Variants in SNTB1 observed in about 807,000 individuals in gnomAD.
SNTB1 encodes beta-1-syntrophin.
SNTB1 carries 36 observed loss-of-function variants against 48.9 expected under a neutral mutation model. The ratio of observed to expected loss-of-function variants is 0.74; its 90% CI spans 0.56 to 0.97. The LOEUF is 0.97. Ranked by LOEUF, SNTB1 falls within the 50% of genes least tolerant of loss-of-function variation. SNTB1 has a pLI of 0.00. For synonymous variants in SNTB1, 299 were observed against 294.6 expected (o/e 1.01, Z -0.15); for missense variants, 786 against 703.4 (o/e 1.12, Z -1.33).
intron 3 of SNTB1, among the ~76,000 whole-genome samples, chr8:120,599,269 G>A (rs540344275): frequency 1.3e-5 from 2 of 152,192 alleles, no homozygotes. Context: ...CACATTAAAA[G>A]TTAATAAAAA....
rs1815295415 is a variant in SNTB1 at position 120,541,956 on chromosome 8, C to T, written c.1378G>A (p.Glu460Lys). ...NQECRLTIHY[E>K]NGFSITTEPQ... ...TCAGTGGTAATAGAAAATCCATTCT[C>T]ATAATGTATGGTCAAACGGCACTCC... Residue 460 changes from glutamate (E) to lysine (K), a missense_variant, in exon 6 of 7, where the codon GAG (glutamate) becomes AAG (lysine). Physicochemically the swap from Glu to Lys is moderately conservative, Grantham distance 56 (BLOSUM62 1). Coordinates refer to ENST00000517992, the MANE Select transcript of SNTB1 (RefSeq NM_021021.4). The T allele has an allele frequency of 6.2e-7, 1 of 1,613,920 alleles. No homozygotes were observed. Among genetic ancestry groups the T allele is most frequent in the Non-Finnish European group, 8.5e-7 (1 of 1,179,916 alleles).
intron 1 of SNTB1, among the ~76,000 whole-genome samples, chr8:120,777,077 A>T (rs1269400753): frequency 6.6e-6 from 1 of 152,214 alleles, no homozygotes; most frequent in Admixed American, 6.5e-5. Context: ...TAGAACGGGG[A>T]AGGACAGAAC....
At chr8:120,585,844 T>C (rs1353829716) in intron 3 of SNTB1, among the ~76,000 whole-genome samples, 1 of 152,264 alleles carries the variant, frequency 6.6e-6, no homozygotes, top group African/African-American at 2.4e-5. Context: ...ACATGTCATA[T>C]GTTTAACAAC....
chr8:120,654,382 A>G (rs1294719319), intron 2 of SNTB1, among the ~76,000 whole-genome samples: 1 of 152,074 alleles, frequency 6.6e-6, no homozygotes, highest in Admixed American at 6.5e-5. Flanking sequence ...TATAACTCCT[A>G]TTTTGTTCCC....
At chr8:120,650,027 C>T (rs1435630001) in intron 2 of SNTB1, among the ~76,000 whole-genome samples, 3 of 152,154 alleles carry the variant, frequency 2.0e-5, no homozygotes, top group Admixed American at 6.5e-5. Context: ...TGCTTCGGCT[C>T]GCGCACGGTG....
At chr8:120,807,032 G>A (rs1820346523) in intron 1 of SNTB1, among the ~76,000 whole-genome samples, 1 of 152,146 alleles carries the variant, frequency 6.6e-6, no homozygotes, top group South Asian at 2.1e-4. Context: ...AACGGACAGG[G>A]TTAATGTCAA....
intron 4 of SNTB1, among the ~76,000 whole-genome samples, chr8:120,572,962 T>C (rs566678891): frequency 6.6e-6 from 1 of 152,160 alleles, no homozygotes; most frequent in South Asian, 2.1e-4. Flanking sequence ...TCTTGGTTGC[T>C]GTGAATAATG....
intron 4 of SNTB1, among the ~76,000 whole-genome samples, chr8:120,555,230 T>C (rs1032248472): frequency 1.3e-5 from 2 of 152,154 alleles, no homozygotes; most frequent in South Asian, 2.1e-4. Context: ...AGTGGAGGTT[T>C]AATAGGTAGA....
At chr8:120,625,314 A>G (rs1421636176) in intron 3 of SNTB1, among the ~76,000 whole-genome samples, 1 of 152,234 alleles carries the variant, frequency 6.6e-6, no homozygotes, top group African/African-American at 2.4e-5. Context: ...AAGAGATTGA[A>G]GCAGGCCCAT....
At chr8:120,710,114 A>C (rs557135771) in intron 1 of SNTB1, among the ~76,000 whole-genome samples, 1 of 152,318 alleles carries the variant, frequency 6.6e-6, no homozygotes, top group African/African-American at 2.4e-5. Flanking sequence ...GGCAAGCAAA[A>C]GGGCAAAAGG....
intron 2 of SNTB1, among the ~76,000 whole-genome samples, chr8:120,673,947 A>C (rs1444532129): frequency 6.6e-6 from 1 of 152,152 alleles, no homozygotes; most frequent in African/African-American, 2.4e-5. Flanking sequence ...CAGAAGTCAC[A>C]GTTCTGGTTA....
chr8:120,663,527 G>A (rs183902539), intron 2 of SNTB1, among the ~76,000 whole-genome samples: 3 of 152,200 alleles, frequency 2.0e-5, no homozygotes, highest in Admixed American at 6.5e-5. Flanking sequence ...GGCTGGTCTC[G>A]AACTCCTGAC....
intron 2 of SNTB1, chr8:120,637,073 A>C: frequency 2.7e-6 from 1 of 374,418 alleles, no homozygotes; most frequent in South Asian, 2.9e-5. Flanking sequence ...TTTCAGCTAA[A>C]GGAGAAGATG....
chr8:120,716,540 G>C (rs1818560838), intron 1 of SNTB1, among the ~76,000 whole-genome samples: 1 of 152,140 alleles, frequency 6.6e-6, no homozygotes, highest in Admixed American at 6.5e-5. Context: ...TGGGGAGGAT[G>C]CTAGAGGTTA....
chr8:120,717,095 A>G lies in SNTB1; in HGVS notation c.572-23187T>C, dbSNP rs1055467221. Among the ~76,000 whole-genome samples, 7 of 152,198 alleles carry G rather than the reference A, an allele frequency of 4.6e-5. No homozygotes were observed. The East Asian group carries it at 1.3e-3, about 29-fold the overall frequency. On this transcript the variant is annotated intron_variant, in intron 1 of 6. Coordinates refer to ENST00000517992, the MANE Select transcript of SNTB1 (RefSeq NM_021021.4). ...TCTTGCAGATCACTTTTCCCTTAAG[A>G]AAGGTGGTTCAGACTTCCTCTGCAA... is the stretch of plus-strand genomic sequence containing the variant.
At chr8:120,742,824 G>T (rs181661767) in intron 1 of SNTB1, among the ~76,000 whole-genome samples, 1 of 152,228 alleles carries the variant, frequency 6.6e-6, no homozygotes, top group Non-Finnish European at 1.5e-5. Flanking sequence ...ACTAAACTAG[G>T]GCTCTCTTCT....
Position 120,629,624 on chromosome 8 carries a change from A to G in SNTB1, c.996+2820T>C, listed in dbSNP as rs113875372. 5.5e-3 allele frequency among the ~76,000 whole-genome samples: 843 copies of G among 152,328 alleles called. 14 individuals are homozygous for G. The highest frequency in any genetic ancestry group is 0.019 in the African/African-American group (783 of 41,576). Reference sequence around the variant, plus strand: ...TAACATTTTGCTAAAAACCATTCATATATCTGCACACCAGGATTCAGTATT... The same window carrying G: ...TAACATTTTGCTAAAAACCATTCATGTATCTGCACACCAGGATTCAGTATT... On this transcript the variant is annotated intron_variant, in intron 3 of 6. Transcript: ENST00000517992.
chr8:120,716,102 G>A lies in SNTB1; in HGVS notation c.572-22194C>T, dbSNP rs146894242. Among the ~76,000 whole-genome samples, 163 of 152,300 alleles carry A rather than the reference G, an allele frequency of 1.1e-3. 2 individuals carry two copies. The highest frequency in any genetic ancestry group is 3.6e-3 in the African/African-American group (150 of 41,568). On this transcript the variant is annotated intron_variant, in intron 1 of 6. Transcript: ENST00000517992. ...CTCCTTCTTAGGGGAAGAAACTCCA[G>A]TCTTTCATCCCGGTCGTTTTAGGGC... is the stretch of plus-strand genomic sequence containing the variant.
At chr8:120,555,728 A>T (rs1815555752) in intron 4 of SNTB1, among the ~76,000 whole-genome samples, 1 of 152,164 alleles carries the variant, frequency 6.6e-6, no homozygotes, top group South Asian at 2.1e-4. Context: ...TAACCCCTAT[A>T]GCAATAGGAC....
Sources: allele counts gnomAD v4.1 joint callset (sites outside exome capture counted in the v4.1 genomes callset), GRCh38; gene constraint gnomAD v4.1.1; transcripts MANE v1.5; gene names NCBI Gene and HGNC (gene_info 2026-07-23, HGNC 2026-07-21).